The following DPP10 variants were observed in gnomAD, a reference collection of about 807,000 sequenced individuals.
The protein encoded by DPP10 is inactive dipeptidyl peptidase 10.
Under a neutral mutation model 120.9 loss-of-function variants are expected in DPP10, and 33 were observed. That is an observed-to-expected ratio of 0.27 (90% CI 0.21 to 0.37). The LOEUF is 0.37. DPP10 is among the 10% of genes least tolerant of loss of function. The pLI is 1.00. For synonymous variants in DPP10, 337 were observed against 326.1 expected, an observed-to-expected ratio of 1.03 and a Z score of -0.36; for missense variants, 816 against 942.8, an observed-to-expected ratio of 0.87 and a Z score of 1.76.
chr2:114,694,239 A>C (rs1699935640), intron 1 of DPP10, among the ~76,000 whole-genome samples: 2 of 151,926 alleles, frequency 1.3e-5, no homozygotes, highest in Admixed American at 1.3e-4. Flanking sequence ...TTAATATAAA[A>C]CAGCATGGAG....
chr2:114,897,530 C>A (rs1210646283), intron 1 of DPP10, among the ~76,000 whole-genome samples: 1 of 152,020 alleles, frequency 6.6e-6, no homozygotes. Context: ...TTCTCCACAG[C>A]AAAAGAAACT....
intron 1 of DPP10, among the ~76,000 whole-genome samples, chr2:114,551,807 T>C (rs1257954810): frequency 6.6e-6 from 1 of 152,220 alleles, no homozygotes; most frequent in African/African-American, 2.4e-5. Flanking sequence ...TCTGACCTGG[T>C]TACTGTTTGG....
At chr2:115,627,102 A>G (rs1365493065) in intron 5 of DPP10, among the ~76,000 whole-genome samples, 2 of 152,186 alleles carry the variant, frequency 1.3e-5, no homozygotes, top group Non-Finnish European at 2.9e-5. Flanking sequence ...ATATAGAATA[A>G]CATGTTGAAT....
intron 7 of DPP10, among the ~76,000 whole-genome samples, chr2:115,699,241 A>T (rs1448436736): frequency 1.3e-5 from 2 of 152,176 alleles, no homozygotes; most frequent in African/African-American, 4.8e-5. Context: ...GAAAATCTGA[A>T]TAGGCTTATA....
At chr2:115,585,090 A>G (rs2082209761) in intron 5 of DPP10, among the ~76,000 whole-genome samples, 2 of 152,214 alleles carry the variant, frequency 1.3e-5, no homozygotes, top group Non-Finnish European at 2.9e-5. Flanking sequence ...GGTAACTATT[A>G]TGTGGGCCTG....
chr2:115,617,509 C>A lies in DPP10; in HGVS notation c.442-72178C>A, dbSNP rs1368250613. Among the ~76,000 whole-genome samples, 3 of 151,478 alleles carry A rather than the reference C, an allele frequency of 2.0e-5. No individual in the cohort carries two copies. In the East Asian group the frequency reaches 5.8e-4, roughly 29 times the overall value. On this transcript the variant is annotated intron_variant, in intron 5 of 25. Coordinates refer to ENST00000410059, the MANE Select transcript of DPP10 (RefSeq NM_020868.6). ...TGGTAAACTATAGACTACATAAAGA[C>A]AGTAGCCCTATAAGATTATAATAAG...
intron 1 of DPP10, among the ~76,000 whole-genome samples, chr2:115,098,087 A>G (rs1226340262): frequency 6.6e-6 from 1 of 152,168 alleles, no homozygotes. Context: ...AACTTTCCCC[A>G]GAGGAGTAGG....
intron 1 of DPP10, among the ~76,000 whole-genome samples, chr2:115,173,576 A>G (rs1388446850): frequency 6.6e-6 from 1 of 152,182 alleles, no homozygotes; most frequent in Non-Finnish European, 1.5e-5. Flanking sequence ...TTTACAGCCA[A>G]TTTTTAAGGA....
At chr2:115,229,843 A>AT (rs1471137145) in intron 1 of DPP10, among the ~76,000 whole-genome samples, 6 of 143,506 alleles carry the variant, frequency 4.2e-5, no homozygotes, top group African/African-American at 1.3e-4. Context: ...TAATTTCTCC[A>AT]TTTTTTCTTT....
chr2:114,621,001 G>C (rs548260066), intron 1 of DPP10, among the ~76,000 whole-genome samples: 1 of 152,154 alleles, frequency 6.6e-6, no homozygotes, highest in South Asian at 2.1e-4. Flanking sequence ...TCATTATTAA[G>C]ATCCTAAGAA....
At position 115,762,665 on chromosome 2, in the gene DPP10, A is replaced by AT. The variant is rs923262545; in HGVS notation, c.1113+61dup. 3.2e-5 allele frequency: 50 copies of AT among 1,585,218 alleles called. 1 individual carries two copies. Among genetic ancestry groups the AT allele is most frequent in the African/African-American group, 3.1e-4 (23 of 74,298 alleles). ...GCCATTGTGACCATCCTGTTCACCC[A>AT]TTTTTTATGTGATAACTTTCTGTAA... is the stretch of plus-strand genomic sequence containing the variant. On this transcript the variant is annotated intron_variant, in intron 12 of 25. Coordinates refer to ENST00000410059, the MANE Select transcript of DPP10 (RefSeq NM_020868.6).
chr2:114,575,927 G>A (rs981729844), intron 1 of DPP10, among the ~76,000 whole-genome samples: 1 of 152,142 alleles, frequency 6.6e-6, no homozygotes, highest in African/African-American at 2.4e-5. Flanking sequence ...GTGAAGGCAG[G>A]GAAAGGGGAA....
intron 11 of DPP10, among the ~76,000 whole-genome samples, chr2:115,761,353 G>A (rs989270929): frequency 6.6e-6 from 1 of 152,100 alleles, no homozygotes; most frequent in Non-Finnish European, 1.5e-5. Context: ...ACAGATAACT[G>A]CAAAGATAAA....
intron 1 of DPP10, among the ~76,000 whole-genome samples, chr2:114,665,157 G>C (rs925034243): frequency 1.3e-5 from 2 of 152,230 alleles, no homozygotes; most frequent in African/African-American, 4.8e-5. Context: ...ATGCTGAAAA[G>C]TATATTTGAA....
intron 3 of DPP10, among the ~76,000 whole-genome samples, chr2:115,448,585 C>G (rs747270258): frequency 9.2e-5 from 14 of 151,990 alleles, no homozygotes; most frequent in Non-Finnish European, 1.8e-4. Context: ...GTATTGCTTA[C>G]TATTGCTGGA....
intron 1 of DPP10, among the ~76,000 whole-genome samples, chr2:114,575,171 G>A (rs1689961863): frequency 6.6e-6 from 1 of 152,104 alleles, no homozygotes; most frequent in South Asian, 2.1e-4. Context: ...AAGAGTGATT[G>A]GTGTGCAATT....
intron 1 of DPP10, among the ~76,000 whole-genome samples, chr2:114,651,271 C>T (rs1412704180): frequency 6.6e-6 from 1 of 152,164 alleles, no homozygotes; most frequent in Non-Finnish European, 1.5e-5. Flanking sequence ...TCTGGATCTG[C>T]CCATATGTTC....
intron 2 of DPP10, among the ~76,000 whole-genome samples, chr2:115,319,990 CT>C (rs1240977411): frequency 1.3e-5 from 2 of 152,088 alleles, no homozygotes; most frequent in African/African-American, 2.4e-5. Flanking sequence ...AGTATTATTG[CT>C]TTGGGGATTA....
At chr2:114,494,262 T>C (rs558402500) in intron 1 of DPP10, among the ~76,000 whole-genome samples, 56 of 152,268 alleles carry the variant, frequency 3.7e-4, no homozygotes, top group African/African-American at 1.3e-3. Context: ...ATTTATAAAA[T>C]GGGAATAATA....
Sources: allele counts gnomAD v4.1 joint callset (sites outside exome capture counted in the v4.1 genomes callset), GRCh38; gene constraint gnomAD v4.1.1; transcripts MANE v1.5; gene names NCBI Gene and HGNC (gene_info 2026-07-23, HGNC 2026-07-21).